The following ARHGAP24 variants were observed in gnomAD, a reference collection of about 807,000 sequenced individuals.
ARHGAP24 encodes the protein rho GTPase-activating protein 24.
Under a neutral mutation model 76.4 loss-of-function variants are expected in ARHGAP24, and 50 were observed. That is an observed-to-expected ratio of 0.65 (90% CI 0.52 to 0.83). ARHGAP24 has a LOEUF of 0.83. Among genes scored for constraint, ARHGAP24 ranks in the 40% least tolerant of loss-of-function variants. The pLI is 0.00. For synonymous variants in ARHGAP24, 345 were observed against 323.3 expected (o/e 1.07, Z -0.72); for missense variants, 930 against 914.2 (o/e 1.02, Z -0.22).
intron 2 of ARHGAP24, among the ~76,000 whole-genome samples, chr4:85,627,185 T>C (rs1720987952): frequency 6.6e-6 from 1 of 152,212 alleles, no homozygotes; most frequent in Non-Finnish European, 1.5e-5. Flanking sequence ...TGCTCTGTTT[T>C]TTCCCCATCT....
intron 2 of ARHGAP24, among the ~76,000 whole-genome samples, chr4:85,615,441 A>G (rs970782145): frequency 2.6e-5 from 4 of 152,124 alleles, no homozygotes; most frequent in African/African-American, 9.7e-5. Flanking sequence ...ATGTAATTTA[A>G]TATTCAGCTT....
chr4:85,926,176 T>C (rs1038016366), intron 4 of ARHGAP24, among the ~76,000 whole-genome samples: 1 of 152,232 alleles, frequency 6.6e-6, no homozygotes, highest in Non-Finnish European at 1.5e-5. Flanking sequence ...TTCAAATTCA[T>C]GAACCTGGAA....
rs184791337 is a variant in ARHGAP24 at position 85,788,500 on chromosome 4, G to A, written c.268+66528G>A. Reference sequence around the variant, plus strand: ...GGAGGGATTTCAAAGCTTGAAATACGAAGTGTAGGATTTGACCTGGTTAGG... The same window carrying A: ...GGAGGGATTTCAAAGCTTGAAATACAAAGTGTAGGATTTGACCTGGTTAGG... On this transcript the variant is annotated intron_variant, in intron 3 of 9. Transcript: ENST00000395184. 1.2e-4 allele frequency among the ~76,000 whole-genome samples: 19 copies of A among 152,236 alleles called. No homozygotes were observed. The East Asian group carries it at 3.5e-3, about 28-fold the overall frequency.
intron 3 of ARHGAP24, among the ~76,000 whole-genome samples, chr4:85,875,779 T>G (rs965098770): frequency 2.0e-5 from 3 of 148,716 alleles, no homozygotes; most frequent in Non-Finnish European, 4.4e-5. Flanking sequence ...TATCGCTCTG[T>G]TGTCCAGGCT....
intron 4 of ARHGAP24, among the ~76,000 whole-genome samples, chr4:85,934,492 C>T (rs1736518901): frequency 6.6e-6 from 1 of 152,076 alleles, no homozygotes; most frequent in Admixed American, 6.6e-5. Flanking sequence ...AACTCTATAG[C>T]TCTTATGTTT....
intron 2 of ARHGAP24, among the ~76,000 whole-genome samples, chr4:85,585,208 A>G (rs573480162): frequency 1.3e-5 from 2 of 152,334 alleles, no homozygotes; most frequent in Non-Finnish European, 2.9e-5. Flanking sequence ...CAACTCATAC[A>G]ATGAAAAAGA....
At chr4:85,493,292 T>C (rs1271771962) in intron 1 of ARHGAP24, among the ~76,000 whole-genome samples, 1 of 152,262 alleles carries the variant, frequency 6.6e-6, no homozygotes, top group Non-Finnish European at 1.5e-5. Flanking sequence ...CTATCATACT[T>C]TCAGCTATGA....
intron 3 of ARHGAP24, among the ~76,000 whole-genome samples, chr4:85,900,235 A>C (rs1734417279): frequency 6.6e-6 from 1 of 152,180 alleles, no homozygotes; most frequent in Admixed American, 6.5e-5. Flanking sequence ...AATTATCAAT[A>C]TCAGTATTCT....
chr4:85,987,394 C>G (rs1423915675), intron 8 of ARHGAP24, among the ~76,000 whole-genome samples: 1 of 151,924 alleles, frequency 6.6e-6, no homozygotes, highest in African/African-American at 2.4e-5. Flanking sequence ...CAGTAACCAA[C>G]TGTATAAAGC....
chr4:85,906,391 G>A (rs1389372316), intron 3 of ARHGAP24, among the ~76,000 whole-genome samples: 1 of 152,056 alleles, frequency 6.6e-6, no homozygotes, highest in Non-Finnish European at 1.5e-5. Flanking sequence ...AAAAAGGCCA[G>A]GATCAGTCAT....
At chr4:85,685,422 G>A (rs1405654359) in intron 2 of ARHGAP24, among the ~76,000 whole-genome samples, 2 of 152,034 alleles carry the variant, frequency 1.3e-5, no homozygotes, top group Non-Finnish European at 2.9e-5. Flanking sequence ...CATGAGGTCA[G>A]GAGATCGAGA....
At chr4:85,646,240 A>T (rs1417858028) in intron 2 of ARHGAP24, among the ~76,000 whole-genome samples, 2 of 152,012 alleles carry the variant, frequency 1.3e-5, no homozygotes, top group Non-Finnish European at 2.9e-5. Flanking sequence ...AGTCATCTCT[A>T]ATTTACCCAG....
intron 3 of ARHGAP24, among the ~76,000 whole-genome samples, chr4:85,730,606 A>C (rs1725363877): frequency 6.6e-6 from 1 of 151,974 alleles, no homozygotes; most frequent in South Asian, 2.1e-4. Flanking sequence ...ATGAGGTCTC[A>C]CTATGTTGCC....
chr4:85,568,303 T>TTTG (rs1454418836), intron 1 of ARHGAP24, among the ~76,000 whole-genome samples: 11 of 150,402 alleles, frequency 7.3e-5, no homozygotes, highest in African/African-American at 2.7e-4. Flanking sequence ...TGTGTGCATG[T>TTTG]TTGTTGCGGG....
chr4:85,708,872 A>G (rs1192824960), intron 2 of ARHGAP24, among the ~76,000 whole-genome samples: 1 of 152,224 alleles, frequency 6.6e-6, no homozygotes, highest in Non-Finnish European at 1.5e-5. Context: ...TCTTTTCTAT[A>G]GAGTCCTACA....
intron 3 of ARHGAP24, among the ~76,000 whole-genome samples, chr4:85,792,736 G>A (rs1487697227): frequency 6.6e-6 from 1 of 152,082 alleles, no homozygotes; most frequent in African/African-American, 2.4e-5. Context: ...CAAAGATCCA[G>A]TATAGTTCCT....
In ARHGAP24 at chr4:85,804,514, T is replaced by C. The variant is rs1728710101; in HGVS notation, c.268+82542T>C. ...TCTTCTCTTTAAGAGAGCTAGGTAA[T>C]ACTACCAAACAGTATATAAATGAGC... On this transcript the variant is annotated intron_variant, in intron 3 of 9. Transcript: ENST00000395184. Among the ~76,000 whole-genome samples, 2 of 152,172 alleles carry C rather than the reference T, an allele frequency of 1.3e-5. 1 individual carries two copies. The highest frequency in any genetic ancestry group is 4.1e-4 in the South Asian group (2 of 4,830).
At chr4:85,949,210 C>A (rs1020482406) in intron 5 of ARHGAP24, among the ~76,000 whole-genome samples, 2 of 152,146 alleles carry the variant, frequency 1.3e-5, no homozygotes, top group Non-Finnish European at 2.9e-5. Flanking sequence ...TCACTGGCTG[C>A]GCAGACTCTG....
At chr4:85,642,156 G>T (rs115466403) in intron 2 of ARHGAP24, among the ~76,000 whole-genome samples, 1 of 152,204 alleles carries the variant, frequency 6.6e-6, no homozygotes, top group Admixed American at 6.5e-5. Context: ...AAAAACAGGG[G>T]AAGACTCCAG....
Sources: allele counts gnomAD v4.1 joint callset (sites outside exome capture counted in the v4.1 genomes callset), GRCh38; gene constraint gnomAD v4.1.1; transcripts MANE v1.5; gene names NCBI Gene and HGNC (gene_info 2026-07-23, HGNC 2026-07-21).